Variants in PPP6C observed in about 807,000 individuals in gnomAD.
The protein encoded by PPP6C is serine/threonine-protein phosphatase 6 catalytic subunit.
A neutral mutation model predicts 39.8 loss-of-function variants in PPP6C; 11 were observed. That is an observed-to-expected ratio of 0.28 (90% confidence interval 0.17 to 0.46). The LOEUF is 0.46. PPP6C is among the 20% of genes least tolerant of loss of function. The pLI is 1.00. For synonymous variants in PPP6C, 129 were observed against 130.3 expected (o/e 0.99, Z 0.07); for missense variants, 211 against 373.9 (o/e 0.56, Z 3.59).
At chr9:125,173,786 T>A (rs1453471804) in intron 1 of PPP6C, among the ~76,000 whole-genome samples, 1 of 151,782 alleles carries the variant, frequency 6.6e-6, no homozygotes, top group African/African-American at 2.4e-5. Context: ...CCCAGCTCAT[T>A]TTTGGATTTT....
At chr9:125,186,654 G>C (rs1829535669) in intron 1 of PPP6C, among the ~76,000 whole-genome samples, 1 of 151,786 alleles carries the variant, frequency 6.6e-6, no homozygotes, top group Non-Finnish European at 1.5e-5. Flanking sequence ...GGAGGCTAAG[G>C]TGGGAGGACT....
chr9:125,148,383 G>C lies in PPP6C; in HGVS notation c.*1290C>G, dbSNP rs1407071620. The stretch of plus-strand genomic sequence containing the variant: ...ATGACTACAGTCATAAGAGATACTG[G>C]AATACTTGTCCTTATTAAGTGGACA... On this transcript the variant is annotated 3_prime_UTR_variant, in exon 7 of 7. Coordinates refer to ENST00000373547, the MANE Select transcript of PPP6C (RefSeq NM_002721.5). 1 of 152,116 alleles carries C rather than the reference G, an allele frequency of 6.6e-6. No homozygotes were observed. The highest frequency in any genetic ancestry group is 1.9e-4 in the East Asian group (1 of 5,206). 9.4% of individuals were successfully genotyped at this position (152,116 alleles called of 1,614,324 possible). A position where few individuals can be genotyped will look rare whatever the true frequency, so the allele number is the denominator to read the frequency against.
intron 1 of PPP6C, among the ~76,000 whole-genome samples, chr9:125,179,396 T>C (rs1829376389): frequency 6.6e-6 from 1 of 152,156 alleles, no homozygotes; most frequent in South Asian, 2.1e-4. Flanking sequence ...AAGAGCAGAT[T>C]GTTTTGATTT....
chr9:125,151,141 A>C, intron 6 of PPP6C: 1 of 1,404,620 alleles, frequency 7.1e-7, no homozygotes, highest in South Asian at 1.2e-5. Context: ...GAACTGCACT[A>C]TTGTTTCATC....
At chr9:125,182,957 CA>C (rs1829449691) in intron 1 of PPP6C, among the ~76,000 whole-genome samples, 1 of 152,010 alleles carries the variant, frequency 6.6e-6, no homozygotes, top group East Asian at 1.9e-4. Context: ...ATCTAAGTAA[CA>C]TAAGTATCCA....
At chr9:125,155,286 G>GA (rs978793416) in intron 4 of PPP6C, among the ~76,000 whole-genome samples, 118 of 143,504 alleles carry the variant, frequency 8.2e-4, no homozygotes, top group Non-Finnish European at 7.5e-4. Flanking sequence ...CATAATTTTA[G>GA]AAAAAAAAAA....
intron 6 of PPP6C, 130 bp downstream of exon 6, chr9:125,153,403 G>T: frequency 1.2e-6 from 1 of 847,628 alleles, no homozygotes; most frequent in South Asian, 1.8e-5. Context: ...AACTAAACTA[G>T]AAATTTAATA....
intron 1 of PPP6C, among the ~76,000 whole-genome samples, chr9:125,185,103 T>G (rs1324105819): frequency 6.6e-6 from 1 of 151,944 alleles, no homozygotes; most frequent in Non-Finnish European, 1.5e-5. Flanking sequence ...TCAGTAAACC[T>G]GCCTTTATCA....
chr9:125,173,804 G>A (rs994559582), intron 1 of PPP6C, among the ~76,000 whole-genome samples: 1 of 151,922 alleles, frequency 6.6e-6, no homozygotes, highest in Non-Finnish European at 1.5e-5. Flanking sequence ...TTTTAGTAGA[G>A]ACAAGGTTTC....
At position 125,147,556 on chromosome 9, in the gene PPP6C, G is replaced by A. The variant is rs1038848383; in HGVS notation, c.*2117C>T. 7.9e-5 allele frequency: 12 copies of A among 152,126 alleles called. No homozygotes were observed. The highest frequency in any genetic ancestry group is 2.9e-4 in the African/African-American group (12 of 41,416). 9.4% of individuals were successfully genotyped at this position (152,126 alleles called of 1,614,324 possible). On this transcript the variant is annotated 3_prime_UTR_variant, in exon 7 of 7. Transcript: ENST00000373547. ...TTTCCATGCAAAAAGCCATTATTCA[G>A]TTGAAGAGAAATCAGGCAAAACAGA...
chr9:125,189,081 A>T, intron 1 of PPP6C: 1 of 655,244 alleles, frequency 1.5e-6, no homozygotes, highest in South Asian at 2.1e-5. Flanking sequence ...CGATCCTAAA[A>T]AGCAATTTGG....
intron 6 of PPP6C, among the ~76,000 whole-genome samples, chr9:125,152,385 T>C (rs1441035710): frequency 6.6e-6 from 1 of 152,190 alleles, no homozygotes; most frequent in Non-Finnish European, 1.5e-5. Context: ...TTGCTGTAGC[T>C]TGATCTTCCT....
At chr9:125,158,688 G>A (rs1327245271) in intron 3 of PPP6C, among the ~76,000 whole-genome samples, 2 of 148,912 alleles carry the variant, frequency 1.3e-5, no homozygotes, top group East Asian at 3.9e-4. Flanking sequence ...TTTTGAGACA[G>A]TATCACTCTG....
At chr9:125,182,770 T>C (rs1829445187) in intron 1 of PPP6C, among the ~76,000 whole-genome samples, 1 of 148,658 alleles carries the variant, frequency 6.7e-6, no homozygotes, top group Admixed American at 6.9e-5. Context: ...CCATAGTAAC[T>C]TCCCACCCCT....
chr9:125,157,222 C>T (rs1429327813), intron 4 of PPP6C, among the ~76,000 whole-genome samples: 1 of 149,192 alleles, frequency 6.7e-6, no homozygotes, highest in African/African-American at 2.5e-5. Context: ...CTCAGGTGAT[C>T]CGCCCGCCTC....
intron 2 of PPP6C, among the ~76,000 whole-genome samples, chr9:125,170,711 GAACAGA>G (rs1371916437): frequency 6.6e-6 from 1 of 152,090 alleles, no homozygotes; most frequent in African/African-American, 2.4e-5. Context: ...TATGACAGGA[GAACAGA>G]AATGAACTGA....
chr9:125,150,033 G>C (rs1319648721), intron 6 of PPP6C, 112 bp from the exon 7 acceptor site: 4 of 1,352,966 alleles, frequency 3.0e-6, no homozygotes, highest in Non-Finnish European at 3.9e-6. Context: ...CAAGATTATA[G>C]AACGCACTCT....
At chr9:125,158,146 T>C (rs1836126380) in intron 4 of PPP6C, 95 bp downstream of exon 4, 1 of 1,263,808 alleles carries the variant, frequency 7.9e-7, no homozygotes, top group Non-Finnish European at 1.1e-6. Context: ...GTGGGGAAAA[T>C]AATATACATA....
At chr9:125,186,516 TGGGAGGATCG>T (rs768158487) in intron 1 of PPP6C, among the ~76,000 whole-genome samples, 6 of 151,866 alleles carry the variant, frequency 4.0e-5, no homozygotes, top group Non-Finnish European at 8.8e-5. Flanking sequence ...GAAGCCAAGG[TGGGAGGATCG>T]CTTGAGCCCA....
Sources: gnomAD v4.1 joint callset for allele counts (sites outside exome capture counted in the v4.1 genomes callset) on GRCh38, gnomAD v4.1.1 for gene constraint, MANE v1.5 for transcripts, NCBI Gene and HGNC (gene_info 2026-07-23, HGNC 2026-07-21) for gene names.